Variants in DNAJC3 observed in about 807,000 individuals in gnomAD.
DNAJC3 encodes DnaJ heat shock protein family (Hsp40) member C3, also known as dnaJ homolog subfamily C member 3.
A neutral mutation model predicts 68.6 loss-of-function variants in DNAJC3; 38 were observed. That is an observed-to-expected ratio of 0.55 (90% CI 0.43 to 0.73). DNAJC3 has a LOEUF of 0.73. DNAJC3 is among the 30% of genes least tolerant of loss of function. The pLI is 0.00. For missense variants in DNAJC3, 526 were observed against 591.9 expected, an observed-to-expected ratio of 0.89 and a Z score of 1.16; for synonymous variants, 203 against 204.0, an observed-to-expected ratio of 1.00 and a Z score of 0.04.
At chr13:95,719,336 A>T (rs1881246652) in intron 2 of DNAJC3, among the ~76,000 whole-genome samples, 2 of 152,146 alleles carry the variant, frequency 1.3e-5, no homozygotes, top group South Asian at 4.1e-4. Flanking sequence ...CTTAGGCATG[A>T]TGTATTATAT....
intron 1 of DNAJC3, among the ~76,000 whole-genome samples, chr13:95,706,930 A>G (rs1033995463): frequency 6.6e-6 from 1 of 152,154 alleles, no homozygotes; most frequent in Admixed American, 6.5e-5. Flanking sequence ...ACTTGATCTG[A>G]AAGTTGGATC....
intron 2 of DNAJC3, among the ~76,000 whole-genome samples, chr13:95,720,277 T>A (rs1881281521): frequency 6.6e-6 from 1 of 152,206 alleles, no homozygotes; most frequent in Non-Finnish European, 1.5e-5. Flanking sequence ...CTTTAGGCCT[T>A]AAATCATCGT....
chr13:95,701,303 G>A (rs1880581347), intron 1 of DNAJC3, among the ~76,000 whole-genome samples: 1 of 152,180 alleles, frequency 6.6e-6, no homozygotes, highest in African/African-American at 2.4e-5. Flanking sequence ...TTTAGAGTTG[G>A]TTATTTTGAG....
intron 1 of DNAJC3, among the ~76,000 whole-genome samples, chr13:95,700,369 C>A (rs187144463): frequency 1.6e-4 from 24 of 152,158 alleles, no homozygotes; most frequent in Admixed American, 7.2e-4. Context: ...AAGTAATATG[C>A]CAAAAAATAT....
chr13:95,753,753 G>A (rs1241168613), intron 4 of DNAJC3, among the ~76,000 whole-genome samples: 1 of 152,138 alleles, frequency 6.6e-6, no homozygotes, highest in East Asian at 1.9e-4. Context: ...GTGTGTATTA[G>A]CACTTTTTGG....
intron 7 of DNAJC3, 133 bp downstream of exon 7, chr13:95,760,931 C>A: frequency 1.6e-6 from 2 of 1,246,034 alleles, no homozygotes; most frequent in South Asian, 1.5e-5. Flanking sequence ...TGGGCCTTAG[C>A]AAAACTACCA....
intron 4 of DNAJC3, among the ~76,000 whole-genome samples, chr13:95,748,027 C>T (rs1882356845): frequency 6.6e-6 from 1 of 152,124 alleles, no homozygotes; most frequent in African/African-American, 2.4e-5. Flanking sequence ...GTGAATTCTT[C>T]CCTTTTATCT....
chr13:95,706,917 A>C (rs1328604183), intron 1 of DNAJC3, among the ~76,000 whole-genome samples: 1 of 152,194 alleles, frequency 6.6e-6, no homozygotes, highest in East Asian at 1.9e-4. Context: ...CTCTAAGACC[A>C]TGACTTGATC....
intron 4 of DNAJC3, among the ~76,000 whole-genome samples, chr13:95,737,032 G>C (rs1268881899): frequency 6.6e-6 from 1 of 151,826 alleles, no homozygotes; most frequent in Non-Finnish European, 1.5e-5. Context: ...TAGCCTGAAG[G>C]GTTGTTGAAT....
At chr13:95,749,041 A>C (rs1181224073) in intron 4 of DNAJC3, among the ~76,000 whole-genome samples, 1 of 152,228 alleles carries the variant, frequency 6.6e-6, no homozygotes, top group African/African-American at 2.4e-5. Context: ...AGGAGCTATC[A>C]ATTATAAGAC....
At chr13:95,704,375 TA>T (rs1184059668) in intron 1 of DNAJC3, among the ~76,000 whole-genome samples, 1 of 152,220 alleles carries the variant, frequency 6.6e-6, no homozygotes, top group African/African-American at 2.4e-5. Context: ...ATTGAAATAA[TA>T]AACTGCAGCT....
intron 9 of DNAJC3, among the ~76,000 whole-genome samples, chr13:95,777,978 CTA>C (rs1883334493): frequency 1.3e-5 from 2 of 151,974 alleles, no homozygotes; most frequent in Non-Finnish European, 2.9e-5. Context: ...TGGAATAAAA[CTA>C]GAAGTCAGTA....
chr13:95,763,607 G>T, intron 7 of DNAJC3, 36 bp from the exon 8 acceptor site: 2 of 1,594,398 alleles, frequency 1.3e-6, no homozygotes, highest in East Asian at 2.2e-5. Context: ...GAAATCAAAT[G>T]TCATCATTTC....
At chr13:95,713,001 C>T (rs1028618272) in intron 2 of DNAJC3, among the ~76,000 whole-genome samples, 4 of 152,024 alleles carry the variant, frequency 2.6e-5, no homozygotes, top group Non-Finnish European at 5.9e-5. Context: ...AGGGACTTTT[C>T]CCCCTTTTGC....
At chr13:95,751,395 T>C (rs903667528) in intron 4 of DNAJC3, among the ~76,000 whole-genome samples, 8 of 152,184 alleles carry the variant, frequency 5.3e-5, no homozygotes, top group African/African-American at 1.2e-4. Flanking sequence ...GAGAACTACA[T>C]AGGAGACCCA....
chr13:95,781,757 A>G lies in DNAJC3; in HGVS notation c.1076-4182A>G, dbSNP rs543206755. On this transcript the variant is annotated intron_variant, in intron 9 of 11. Transcript: ENST00000602402. ...GGCTGATATATGTCTGGCTTATTCT[A>G]TTTTTCATAGCTGTTCAGTAATGGT... Among the ~76,000 whole-genome samples, 9 of 150,418 alleles carry G rather than the reference A, an allele frequency of 6.0e-5. No homozygotes were observed. The South Asian group carries it at 1.0e-3, about 17-fold the overall frequency.
intron 4 of DNAJC3, among the ~76,000 whole-genome samples, chr13:95,735,769 G>C (rs1185506502): frequency 6.6e-6 from 1 of 151,960 alleles, no homozygotes; most frequent in Non-Finnish European, 1.5e-5. Context: ...CATTTTGTAG[G>C]TTGCCTGTTC....
At chr13:95,709,483 G>A in intron 2 of DNAJC3, 146 bp downstream of exon 2, 1 of 603,264 alleles carries the variant, frequency 1.7e-6, no homozygotes, top group South Asian at 2.4e-5. Context: ...GAGCGAAATA[G>A]ATGGATAAAA....
chr13:95,768,508 C>T (rs553247371), intron 9 of DNAJC3, among the ~76,000 whole-genome samples: 238 of 152,310 alleles, frequency 1.6e-3, no homozygotes, highest in African/African-American at 5.5e-3. Flanking sequence ...AAGTAGATTG[C>T]TTTCTCTGGA....
Sources: gnomAD v4.1 joint callset for allele counts (sites outside exome capture counted in the v4.1 genomes callset) on GRCh38, gnomAD v4.1.1 for gene constraint, MANE v1.5 for transcripts, NCBI Gene and HGNC (gene_info 2026-07-23, HGNC 2026-07-21) for gene names.